AFF1: variants seen among roughly 807,000 people sequenced by gnomAD.
AFF1 encodes ALF transcription elongation factor 1, also known as AF4/FMR2 family member 1.
Under a neutral mutation model 121.7 loss-of-function variants are expected in AFF1, and 48 were observed. That is an observed-to-expected ratio of 0.39 (90% CI 0.31 to 0.50). The LOEUF (loss-of-function observed/expected upper bound fraction) is 0.50, where lower values mean the gene tolerates loss of function less well. AFF1 is among the 20% of genes least tolerant of loss of function. AFF1 has a pLI of 0.76. For missense variants in AFF1, 1,523 were observed against 1,511.7 expected, an observed-to-expected ratio of 1.01 and a Z score of -0.12; for synonymous variants, 613 against 563.0, an observed-to-expected ratio of 1.09 and a Z score of -1.26.
intron 4 of AFF1, among the ~76,000 whole-genome samples, chr4:87,052,970 C>T (rs996550744): frequency 4.0e-5 from 6 of 151,836 alleles, no homozygotes; most frequent in African/African-American, 1.5e-4. Flanking sequence ...AAACTAAGAA[C>T]TCTAGTTGGG....
intron 2 of AFF1, among the ~76,000 whole-genome samples, chr4:87,019,163 A>G (rs1369850120): frequency 6.6e-6 from 1 of 152,244 alleles, no homozygotes; most frequent in East Asian, 1.9e-4. Context: ...ATATTTAGCA[A>G]TAGGAAATAA....
intron 2 of AFF1, among the ~76,000 whole-genome samples, chr4:86,969,884 A>C (rs2149478265): frequency 6.7e-6 from 1 of 149,028 alleles, no homozygotes; most frequent in East Asian, 1.9e-4. Flanking sequence ...CGTCTCAAAA[A>C]AAAAAAAAAA....
At chr4:87,073,782 G>T (rs1722370455) in intron 4 of AFF1, among the ~76,000 whole-genome samples, 1 of 152,112 alleles carries the variant, frequency 6.6e-6, no homozygotes, top group Non-Finnish European at 1.5e-5. Context: ...AAATGTCCAG[G>T]CAGGCACTCT....
chr4:86,957,348 G>A (rs1342726053), intron 2 of AFF1, among the ~76,000 whole-genome samples: 1 of 152,154 alleles, frequency 6.6e-6, no homozygotes, highest in Non-Finnish European at 1.5e-5. Context: ...TTCAGTTCCA[G>A]TTTCTCCTGT....
rs61071328 is a variant in AFF1 at position 87,013,032 on chromosome 4, C to CTTTT, written c.39-33111_39-33108dup. Among the ~76,000 whole-genome samples, 28 of 93,484 alleles carry CTTTT rather than the reference C, an allele frequency of 3.0e-4. 2 individuals carry two copies. The highest frequency in any genetic ancestry group is 1.2e-3 in the African/African-American group (27 of 23,254). The allele number at this position is 93,484 out of a possible 152,430, so 61.3% of individuals were successfully genotyped here. A position where few individuals can be genotyped will look rare whatever the true frequency, so the allele number is the denominator to read the frequency against. The stretch of plus-strand genomic sequence containing the variant: ...AACCAGATTGAACTGCTATCAAGTT[C>CTTTT]TTTTTTTTTTTTTTTTTTTTTTTTT... On this transcript the variant is annotated intron_variant, in intron 2 of 20. Coordinates refer to ENST00000395146, the MANE Select transcript of AFF1 (RefSeq NM_001166693.3).
At chr4:87,037,882 A>G (rs895791752) in intron 2 of AFF1, among the ~76,000 whole-genome samples, 8 of 152,160 alleles carry the variant, frequency 5.3e-5, no homozygotes, top group African/African-American at 1.9e-4. Context: ...TTTCACTGTC[A>G]TGTATCACCC....
intron 6 of AFF1, among the ~76,000 whole-genome samples, chr4:87,090,368 T>C (rs1179105113): frequency 6.6e-6 from 1 of 152,226 alleles, no homozygotes; most frequent in Non-Finnish European, 1.5e-5. Flanking sequence ...GGCAGGGAAA[T>C]TGAGTGTGTG....
chr4:87,126,955 A>G, intron 14 of AFF1, 71 bp from the exon 15 acceptor site: 1 of 1,338,358 alleles, frequency 7.5e-7, no homozygotes, highest in South Asian at 1.2e-5. Context: ...GCTATTTAAG[A>G]GGGATGGTAC....
intron 4 of AFF1, among the ~76,000 whole-genome samples, chr4:87,073,415 C>G (rs576553562): frequency 2.0e-5 from 3 of 152,006 alleles, no homozygotes; most frequent in African/African-American, 7.2e-5. Context: ...TCAGTAATCC[C>G]CAGGGTGTTT....
At chr4:86,994,470 G>A (rs1305362925) in intron 2 of AFF1, among the ~76,000 whole-genome samples, 1 of 152,206 alleles carries the variant, frequency 6.6e-6, no homozygotes, top group Non-Finnish European at 1.5e-5. Context: ...TATGCAATCT[G>A]GGGGCAGATC....
intron 2 of AFF1, chr4:86,950,013 C>T (rs1721189832): frequency 1.9e-6 from 3 of 1,613,948 alleles, no homozygotes; most frequent in Admixed American, 1.7e-5. Flanking sequence ...GCCAGTTTCA[C>T]CTGCTGAGCT....
At chr4:87,009,847 G>A (rs963388356) in intron 2 of AFF1, among the ~76,000 whole-genome samples, 4 of 152,170 alleles carry the variant, frequency 2.6e-5, no homozygotes, top group Non-Finnish European at 4.4e-5. Flanking sequence ...TCTTGACCAT[G>A]TACTACTACA....
rs35903702 is a variant in AFF1, at chr4:87,027,784, G to GTTTT, written c.39-18361_39-18358dup. Among the ~76,000 whole-genome samples the GTTTT allele has an allele frequency of 7.6e-3, 688 of 90,598 alleles. 24 individuals carry two copies. The highest frequency in any genetic ancestry group is 0.021 in the African/African-American group (471 of 22,560). The allele number at this position is 90,598 out of a possible 152,430, so 59.4% of individuals were successfully genotyped here. The stretch of plus-strand genomic sequence containing the variant: ...AACTTTTTGTTGTTGTTGCTGTTGG[G>GTTTT]TTTTTTTTTTTTTTTTTTTTTTTTG... On this transcript the variant is annotated intron_variant, in intron 2 of 20. Coordinates refer to ENST00000395146, the MANE Select transcript of AFF1 (RefSeq NM_001166693.3).
Position 86,971,855 on chromosome 4 carries a change from C to T in AFF1, c.38+23284C>T, listed in dbSNP as rs1278356365. ...AACTGGGTGTTAAAGTTTGAAGGGG[C>T]GCTGGGTAGGTTGGCTTATGCCTAT... On this transcript the variant is annotated intron_variant, in intron 2 of 20. Coordinates refer to ENST00000395146, the MANE Select transcript of AFF1 (RefSeq NM_001166693.3). 2.6e-5 allele frequency among the ~76,000 whole-genome samples: 4 copies of T among 152,070 alleles called. No individual in the cohort carries two copies. In the South Asian group the frequency reaches 6.2e-4, roughly 24 times the overall value.
Position 87,105,687 on chromosome 4 carries a change from G to A in AFF1, c.1338+5G>A. 1 of 1,614,154 alleles carries A rather than the reference G, an allele frequency of 6.2e-7. No individual in the cohort carries two copies. Among genetic ancestry groups the A allele is most frequent in the Non-Finnish European group, 8.5e-7 (1 of 1,180,018 alleles). On this transcript the variant is annotated splice_donor_5th_base_variant and intron_variant, in intron 9 of 20. Coordinates refer to ENST00000395146, the MANE Select transcript of AFF1 (RefSeq NM_001166693.3). ...GAGGACAGTGACAGTGAACAAGTAA[G>A]TGTTGCACAGCCTGTAATACCAGGA...
intron 2 of AFF1, among the ~76,000 whole-genome samples, chr4:87,010,985 A>G (rs1014512276): frequency 1.3e-5 from 2 of 151,334 alleles, no homozygotes; most frequent in Non-Finnish European, 2.9e-5. Flanking sequence ...AGGCGGAGGC[A>G]GGAGAATGGC....
At chr4:87,059,643 A>G (rs1720526200) in intron 4 of AFF1, among the ~76,000 whole-genome samples, 1 of 152,196 alleles carries the variant, frequency 6.6e-6, no homozygotes, top group African/African-American at 2.4e-5. Flanking sequence ...TTCAGGACAG[A>G]AAGCCAGATG....
intron 4 of AFF1, among the ~76,000 whole-genome samples, chr4:87,059,302 C>T (rs1720485618): frequency 6.6e-6 from 1 of 152,202 alleles, no homozygotes; most frequent in Non-Finnish European, 1.5e-5. Flanking sequence ...TTTGTGCCCC[C>T]CTCTCCCTGT....
intron 2 of AFF1, among the ~76,000 whole-genome samples, chr4:87,002,889 C>T (rs1219088251): frequency 6.6e-6 from 1 of 152,164 alleles, no homozygotes; most frequent in Non-Finnish European, 1.5e-5. Flanking sequence ...TCAGTGTCCT[C>T]AAATTTCATC....
Sources: gnomAD v4.1 joint callset for allele counts (sites outside exome capture counted in the v4.1 genomes callset) on GRCh38, gnomAD v4.1.1 for gene constraint, MANE v1.5 for transcripts, NCBI Gene and HGNC (gene_info 2026-07-23, HGNC 2026-07-21) for gene names.